Variants in THBS2 observed in about 807,000 individuals in gnomAD.
THBS2 encodes the protein thrombospondin-2.
Under a neutral mutation model 135.2 loss-of-function variants are expected in THBS2, and 47 were observed. The ratio of observed to expected loss-of-function variants is 0.35; its 90% CI spans 0.28 to 0.44. The LOEUF (loss-of-function observed/expected upper bound fraction) is 0.44. THBS2 is among the 20% of genes least tolerant of loss of function. THBS2 has a pLI of 1.00. For synonymous variants in THBS2, 639 were observed against 633.8 expected (o/e 1.01, Z -0.12); for missense variants, 1,288 against 1,603.1 (o/e 0.80, Z 3.36).
chr6:169,222,153 C>A, intron 19 of THBS2, 44 bp downstream of exon 19: 1 of 1,546,180 alleles, frequency 6.5e-7, no homozygotes. Flanking sequence ...TCTGCAGCCA[C>A]AGTGGTGCAG....
At position 169,239,710 on chromosome 6, in the gene THBS2, A is replaced by G; in HGVS notation, c.1033-15T>C. 6.4e-7 allele frequency: 1 copy of G among 1,573,116 alleles called. No individual in the cohort carries two copies. Among genetic ancestry groups the G allele is most frequent in the Non-Finnish European group, 8.6e-7 (1 of 1,156,730 alleles). On this transcript the variant is annotated splice_polypyrimidine_tract_variant and intron_variant, in intron 6 of 21. Coordinates refer to ENST00000617924, the MANE Select transcript of THBS2 (RefSeq NM_003247.5). The stretch of plus-strand genomic sequence containing the variant: ...GTTTTAAATTTCTACAAGTGAAGAA[A>G]GGCATGCATGGAACACTCATTTAAA...
chr6:169,243,211 A>ACCTTTCCACATTCCCACCACTCCCT (rs1780434244), intron 4 of THBS2, among the ~76,000 whole-genome samples: 3 of 146,464 alleles, frequency 2.0e-5, no homozygotes, highest in Non-Finnish European at 4.5e-5. Context: ...CACCACTCCC[A>ACCTTTCCACATTCCCACCACTCCCT]CCTTTCCACA....
chr6:169,237,583 C>T, intron 8 of THBS2, 42 bp downstream of exon 8: 7 of 1,608,202 alleles, frequency 4.4e-6, no homozygotes, highest in Non-Finnish European at 5.9e-6. Context: ...AAACGCGGCC[C>T]CACCCCCACA....
intron 18 of THBS2, 96 bp downstream of exon 18, chr6:169,223,152 C>T: frequency 8.7e-7 from 1 of 1,153,760 alleles, no homozygotes; most frequent in Admixed American, 2.4e-5. Context: ...GACCACATGG[C>T]ATCCCACCTG....
At chr6:169,220,657 A>G (rs980476716) in intron 20 of THBS2, among the ~76,000 whole-genome samples, 3 of 152,166 alleles carry the variant, frequency 2.0e-5, no homozygotes, top group Admixed American at 6.5e-5. Context: ...CTTCCTGGGA[A>G]GATGCACCGG....
At chr6:169,236,188 CCA>C (rs371788496) in intron 9 of THBS2, among the ~76,000 whole-genome samples, 2 of 106,620 alleles carry the variant, frequency 1.9e-5, no homozygotes, top group Admixed American at 1.0e-4. Flanking sequence ...CATTCCCCAT[CCA>C]CACTCATTGC....
Position 169,229,624 on chromosome 6 carries a change from A to G in THBS2, c.2207T>C (p.Ile736Thr). Residue 736 changes from isoleucine to threonine, a missense_variant, in exon 14 of 22, where the codon ATT becomes ACT. This residue lies in a region of THBS2 where 874 missense variants were observed against 1,156.1 expected (regional missense o/e 0.76). Transcript: ENST00000617924. Reference protein sequence around the residue: ...SGQEDFDKDGIGDACDDDDDN... With the variant: ...SGQEDFDKDGTGDACDDDDDN... ...ATCGTCATCATCACAGGCATCGCCAATCCCGTCCTTGTCAAAGTCTTCCTG... is the reference window on the plus strand; with the variant it reads ...ATCGTCATCATCACAGGCATCGCCAGTCCCGTCCTTGTCAAAGTCTTCCTG... 6.2e-7 allele frequency: 1 copy of G among 1,614,160 alleles called. No individual in the cohort carries two copies. The highest frequency in any genetic ancestry group is 8.5e-7 in the Non-Finnish European group (1 of 1,179,996).
chr6:169,220,321 C>T lies in THBS2; in HGVS notation c.3388G>A (p.Gly1130Arg). The T allele has an allele frequency of 1.2e-6, 2 of 1,612,622 alleles. No homozygotes were observed. The highest frequency in any genetic ancestry group is 1.7e-6 in the Non-Finnish European group (2 of 1,179,432). Residue 1130 changes from glycine (G) to arginine (R), a missense_variant, in exon 21 of 22, where the codon GGA becomes AGA. By Grantham distance (125) the Gly-to-Arg change is moderately radical. Transcript: ENST00000617924. The stretch of plus-strand genomic sequence containing the variant: ...CCTGAGTCTGCCATGACCTGTTTTC[C>T]TTCATGCACTAAGACTCTAAAAATG... ...TGYIRVLVHE[G>R]KQVMADSGPI...
chr6:169,223,720 A>G (rs749096538), intron 17 of THBS2, among the ~76,000 whole-genome samples: 5 of 152,208 alleles, frequency 3.3e-5, no homozygotes, highest in Non-Finnish European at 7.3e-5. Context: ...AGGCCAGCAC[A>G]GCAAATTCAC....
chr6:169,236,827 ACACT>A (rs1780109643), intron 9 of THBS2, among the ~76,000 whole-genome samples: 1 of 138,204 alleles, frequency 7.2e-6, no homozygotes, highest in Non-Finnish European at 1.6e-5. Flanking sequence ...CTCCCCGTCC[ACACT>A]CACTCCCCAT....
At chr6:169,230,209 A>T (rs1257354846) in intron 13 of THBS2, among the ~76,000 whole-genome samples, 1 of 101,406 alleles carries the variant, frequency 9.9e-6, no homozygotes, top group Non-Finnish European at 1.9e-5. Flanking sequence ...TGGGTAATGC[A>T]TGTAATTGGG....
intron 9 of THBS2, among the ~76,000 whole-genome samples, chr6:169,235,827 A>ACT (rs1246070049): frequency 5.4e-5 from 3 of 55,262 alleles, no homozygotes; most frequent in Admixed American, 2.2e-4. Flanking sequence ...ACTCACTTCC[A>ACT]TCCACACTTA....
At chr6:169,239,565 A>G in intron 7 of THBS2, 34 bp downstream of exon 7, 1 of 1,543,598 alleles carries the variant, frequency 6.5e-7, no homozygotes, top group Non-Finnish European at 8.8e-7. Context: ...ATTCCTAAAA[A>G]TGCAGGATGC....
intron 4 of THBS2, among the ~76,000 whole-genome samples, chr6:169,244,164 G>GTTT (rs34458367): frequency 0.036 from 4,325 of 120,214 alleles, 104 homozygotes; most frequent in Non-Finnish European, 0.055. Context: ...ATTTCTCTGT[G>GTTT]TTTTTTTTTT....
rs756154144 is a variant in THBS2 at position 169,247,819 on chromosome 6, GTTTA to G, written c.609+594_609+597del. 1.7e-4 allele frequency among the ~76,000 whole-genome samples: 25 copies of G among 151,412 alleles called. No individual in the cohort carries two copies. The South Asian group carries it at 3.4e-3, about 20-fold the overall frequency. ...CTGTGAATGTGAGTGCATGCATGGTGTTTATTTGTGTATGTGCATGGGTGCCCAC... is the reference window on the plus strand; with the variant it reads ...CTGTGAATGTGAGTGCATGCATGGTGTTTGTGTATGTGCATGGGTGCCCAC... On this transcript the variant is annotated intron_variant, in intron 3 of 21. Transcript: ENST00000617924.
At position 169,222,300 on chromosome 6, in the gene THBS2, G is replaced by A; in HGVS notation, c.3170C>T (p.Ala1057Val). The A allele has an allele frequency of 1.2e-6, 2 of 1,613,484 alleles. No homozygotes were observed. The highest frequency in any genetic ancestry group is 8.5e-7 in the Non-Finnish European group (1 of 1,180,034). Residue 1057 changes from alanine to valine, a missense_variant, in exon 19 of 22, where the codon GCC becomes GTC. Around this residue, in one of 2 missense-constraint regions of THBS2, gnomAD observed 874 missense variants for 1,156.1 expected, o/e 0.76. Coordinates refer to ENST00000617924, the MANE Select transcript of THBS2 (RefSeq NM_003247.5). ...QTYWEDQPTR[A>V]YGYSGVSLKV... is the part of the protein sequence containing the mutation. ...GAGGGACACGCCGGAGTAGCCATAGGCCCGCGTGGGCTGGTCCTCCCAGTA... is the reference window on the plus strand; with the variant it reads ...GAGGGACACGCCGGAGTAGCCATAGACCCGCGTGGGCTGGTCCTCCCAGTA...
intron 17 of THBS2, among the ~76,000 whole-genome samples, chr6:169,224,695 C>A (rs1260586017): frequency 2.0e-5 from 3 of 152,212 alleles, no homozygotes; most frequent in Admixed American, 2.0e-4. Flanking sequence ...GCCACCTATT[C>A]ATGCTCACTG....
intron 7 of THBS2, 65 bp from the exon 8 acceptor site, chr6:169,237,860 G>A (rs932663430): frequency 5.9e-6 from 9 of 1,528,700 alleles, no homozygotes; most frequent in African/African-American, 4.1e-5. Context: ...AGAACAGAAC[G>A]GGCACAGGGC....
chr6:169,245,786 T>C lies in THBS2; in HGVS notation c.694+411A>G, dbSNP rs186268124. On this transcript the variant is annotated intron_variant, in intron 4 of 21. Coordinates refer to ENST00000617924, the MANE Select transcript of THBS2 (RefSeq NM_003247.5). ...CAGCCTGGGTGACAGAGTGAGACTC[T>C]GGCTCAAAAAAAAAAAAAAAAAAGA... Among the ~76,000 whole-genome samples the C allele has an allele frequency of 8.8e-4, 111 of 126,628 alleles. 1 individual carries two copies. The highest frequency in any genetic ancestry group is 6.9e-3 in the Admixed American group (80 of 11,650). 83.1% of individuals were successfully genotyped at this position (126,628 alleles called of 152,430 possible). A position where few individuals can be genotyped will look rare whatever the true frequency, so the allele number is the denominator to read the frequency against.
Sources: allele counts gnomAD v4.1 joint callset (sites outside exome capture counted in the v4.1 genomes callset), GRCh38; gene constraint gnomAD v4.1.1; regional missense constraint gnomAD v4.1.1; transcripts MANE v1.5; gene names NCBI Gene and HGNC (gene_info 2026-07-23, HGNC 2026-07-21).